ATP11A: variants seen among roughly 807,000 people sequenced by gnomAD.
The protein encoded by ATP11A is ATPase phospholipid transporting 11A, also known as phospholipid-transporting ATPase IH.
In ATP11A, 81 loss-of-function variants were observed where a neutral mutation model predicts 154.4. That is an observed-to-expected ratio of 0.52 (90% CI 0.44 to 0.63). ATP11A has a LOEUF of 0.63. Among genes scored for constraint, ATP11A ranks in the 30% least tolerant of loss-of-function variants. ATP11A has a pLI of 0.00. For missense variants in ATP11A, 1,316 were observed against 1,474.3 expected, an observed-to-expected ratio of 0.89 and a Z score of 1.76; for synonymous variants, 623 against 585.9, an observed-to-expected ratio of 1.06 and a Z score of -0.91.
intron 13 of ATP11A, among the ~76,000 whole-genome samples, chr13:112,832,051 G>C (rs1389696832): frequency 6.6e-6 from 1 of 150,824 alleles, no homozygotes; most frequent in Non-Finnish European, 1.5e-5. Context: ...CCCTGACACT[G>C]TGTGCACACA....
intron 2 of ATP11A, among the ~76,000 whole-genome samples, chr13:112,790,735 T>G (rs2077829485): frequency 6.6e-6 from 1 of 151,890 alleles, no homozygotes; most frequent in Admixed American, 6.5e-5. Flanking sequence ...TAATTCACAC[T>G]CAAGCATCCT....
chr13:112,691,074 C>G (rs1225145539), intron 1 of ATP11A, among the ~76,000 whole-genome samples: 2 of 152,106 alleles, frequency 1.3e-5, no homozygotes, highest in Non-Finnish European at 2.9e-5. Flanking sequence ...CAGTGATAAG[C>G]AAGTGAAGAG....
intron 9 of ATP11A, among the ~76,000 whole-genome samples, chr13:112,824,012 A>G (rs190626146): frequency 2.9e-4 from 44 of 152,196 alleles, no homozygotes; most frequent in African/African-American, 1.0e-3. Context: ...GTATCATTGT[A>G]TTGTTATTTT....
chr13:112,811,141 A>G (rs1447339668), intron 5 of ATP11A, among the ~76,000 whole-genome samples: 1 of 134,070 alleles, frequency 7.5e-6, no homozygotes, highest in East Asian at 2.2e-4. Context: ...CATTAGGTGG[A>G]TGTACCCACT....
intron 24 of ATP11A, 52 bp from the exon 25 acceptor site, chr13:112,862,388 T>C (rs1436286985): frequency 1.2e-6 from 2 of 1,604,664 alleles, no homozygotes; most frequent in Non-Finnish European, 1.7e-6. Context: ...CTGGGGGAGG[T>C]GCCGGGCCCT....
chr13:112,886,734 G>A lies in ATP11A; in HGVS notation c.*4868G>A, dbSNP rs1396028240. ...TACAGAATTTTAATATGCATATATT[G>A]TGTCTGACTTAAAATTATAATGTCT... On this transcript the variant is annotated 3_prime_UTR_variant, in exon 30 of 30. Transcript: ENST00000375645. The A allele has an allele frequency of 6.6e-6, 1 of 152,446 alleles. No homozygotes were observed. Among genetic ancestry groups the A allele is most frequent in the African/African-American group, 2.4e-5 (1 of 41,392 alleles). 9.4% of individuals were successfully genotyped at this position (152,446 alleles called of 1,614,324 possible).
At chr13:112,722,418 G>C (rs1266754998) in intron 1 of ATP11A, among the ~76,000 whole-genome samples, 1 of 152,136 alleles carries the variant, frequency 6.6e-6, no homozygotes, top group Non-Finnish European at 1.5e-5. Flanking sequence ...GTCTGGGTTG[G>C]GGTAAAGAGG....
intron 6 of ATP11A, among the ~76,000 whole-genome samples, chr13:112,816,944 G>C (rs946244459): frequency 6.6e-6 from 1 of 152,132 alleles, no homozygotes; most frequent in East Asian, 1.9e-4. Context: ...AGTCACACAC[G>C]ATTCTAGATT....
intron 29 of ATP11A, chr13:112,881,459 G>C: frequency 9.3e-7 from 1 of 1,073,290 alleles, no homozygotes. Context: ...TGGCGTTCGA[G>C]CTCACTGCAC....
chr13:112,852,495 A>AC (rs1293063109), intron 18 of ATP11A, among the ~76,000 whole-genome samples: 3 of 152,190 alleles, frequency 2.0e-5, no homozygotes, highest in Non-Finnish European at 4.4e-5. Flanking sequence ...CGCGACTTGC[A>AC]CGTGGGAAGG....
At chr13:112,723,187 T>C (rs866886278) in intron 1 of ATP11A, among the ~76,000 whole-genome samples, 9 of 151,326 alleles carry the variant, frequency 5.9e-5, no homozygotes, top group South Asian at 2.1e-4. Context: ...TGGTTTTTTT[T>C]CTTCGATCCT....
At chr13:112,844,663 G>T (rs1005341341) in intron 17 of ATP11A, among the ~76,000 whole-genome samples, 1 of 152,292 alleles carries the variant, frequency 6.6e-6, no homozygotes, top group East Asian at 1.9e-4. Context: ...CATTTCTGTC[G>T]TGAGGAACAG....
Position 112,785,776 on chromosome 13 carries a change from C to A in ATP11A, c.162+519C>A, listed in dbSNP as rs1022708254. Among the ~76,000 whole-genome samples, 1 of 152,198 alleles carries A rather than the reference C, an allele frequency of 6.6e-6. No individual in the cohort carries two copies. Among genetic ancestry groups the A allele is most frequent in the East Asian group, 1.9e-4 (1 of 5,162 alleles). Reference sequence around the variant, plus strand: ...GCAGAGTGCCGCGGTCTAAACGAAGCGTGTTTCTCTCCATGGACTAGAGCG... The same window carrying A: ...GCAGAGTGCCGCGGTCTAAACGAAGAGTGTTTCTCTCCATGGACTAGAGCG... On this transcript the variant is annotated intron_variant, in intron 2 of 29. Coordinates refer to ENST00000375645, the MANE Select transcript of ATP11A (RefSeq NM_015205.3). This position sits in a 1 kb window ranked among gnomAD's most constrained non-coding sequence, Gnocchi z 4.8.
In ATP11A at chr13:112,834,599, A is replaced by T. The variant is rs753735195; in HGVS notation, c.1570A>T (p.Thr524Ser). Residue 524 changes from threonine (T) to serine (S), a missense_variant, in exon 15 of 30, where the codon ACC (threonine) becomes TCC (serine). By Grantham distance (58) the Thr-to-Ser change is moderately conservative. Transcript: ENST00000375645. The part of the protein sequence containing the change: ...LVEGVQRLGF[T>S]YLRLKDNYME... ...CCCTTCTCATTGCAGACTTGGCTTT[A>T]CCTACCTAAGGCTGAAGGACAATTA... 1.2e-6 allele frequency: 2 copies of T among 1,613,656 alleles called. No homozygotes were observed. Among genetic ancestry groups the T allele is most frequent in the Non-Finnish European group, 1.7e-6 (2 of 1,179,556 alleles).
intron 1 of ATP11A, among the ~76,000 whole-genome samples, chr13:112,709,587 C>G (rs549639245): frequency 6.6e-6 from 1 of 152,268 alleles, no homozygotes; most frequent in South Asian, 2.1e-4. Flanking sequence ...CTGAACATTT[C>G]CTTTCTGTCA....
At chr13:112,751,735 C>T (rs1246588527) in intron 1 of ATP11A, among the ~76,000 whole-genome samples, 2 of 151,868 alleles carry the variant, frequency 1.3e-5, no homozygotes, top group African/African-American at 2.4e-5. Flanking sequence ...GATAATCCCC[C>T]CCCCCTTTTT....
chr13:112,806,222 G>C lies in ATP11A; in HGVS notation c.262G>C (p.Asp88His). 1 of 1,611,460 alleles carries C rather than the reference G, an allele frequency of 6.2e-7. No homozygotes were observed. Among genetic ancestry groups the C allele is most frequent in the Admixed American group, 1.7e-5 (1 of 59,510 alleles). ...TTCTCTCTTTCTGCAGTTGATTATT[G>C]ATACACCCACAAGTCCAGTGACAAG... ...LIIFLVQLII[D>H]TPTSPVTSGL... is the part of the protein sequence containing the mutation. The change falls in exon 4 of 30, where the codon GAT becomes CAT. Residue 88 changes from aspartate (D) to histidine (H), a missense_variant. Coordinates refer to ENST00000375645, the MANE Select transcript of ATP11A (RefSeq NM_015205.3).
chr13:112,809,192 C>T (rs533095421), intron 4 of ATP11A, among the ~76,000 whole-genome samples: 71 of 152,278 alleles, frequency 4.7e-4, no homozygotes, highest in Non-Finnish European at 8.1e-4. Context: ...CCACTGCCAC[C>T]TTCCAGGAAG....
chr13:112,854,172 G>C (rs952842912), intron 18 of ATP11A, 107 bp from the exon 19 acceptor site: 1 of 1,441,974 alleles, frequency 6.9e-7, no homozygotes, highest in African/African-American at 1.4e-5. Context: ...TTGATTTTGA[G>C]GGGCTACGAT....
Sources: allele counts gnomAD v4.1 joint callset (sites outside exome capture counted in the v4.1 genomes callset), GRCh38; gene constraint gnomAD v4.1.1; non-coding constraint Gnocchi (gnomAD v3.1); transcripts MANE v1.5; gene names NCBI Gene and HGNC (gene_info 2026-07-23, HGNC 2026-07-21).